Variants in GRHL2 observed in about 807,000 individuals in gnomAD.
GRHL2 encodes the protein grainyhead like transcription factor 2, also known as grainyhead-like protein 2 homolog.
Under a neutral mutation model 83.8 loss-of-function variants are expected in GRHL2, and 21 were observed. The observed-to-expected ratio is 0.25, with a 90% CI of 0.18 to 0.36. The LOEUF (loss-of-function observed/expected upper bound fraction) is 0.36. GRHL2 is among the 10% of genes least tolerant of loss of function. The pLI is 1.00. For missense variants in GRHL2, 623 were observed against 781.8 expected (o/e 0.80, Z 2.42); for synonymous variants, 280 against 278.9 (o/e 1.00, Z -0.04).
At chr8:101,611,278 TTA>T (rs1812744547) in intron 8 of GRHL2, among the ~76,000 whole-genome samples, 1 of 151,092 alleles carries the variant, frequency 6.6e-6, no homozygotes, top group African/African-American at 2.5e-5. Context: ...TTTTGCTTTC[TTA>T]TGTTACATCT....
At chr8:101,494,766 C>T (rs1373496944) in intron 1 of GRHL2, among the ~76,000 whole-genome samples, 1 of 152,188 alleles carries the variant, frequency 6.6e-6, no homozygotes, top group Non-Finnish European at 1.5e-5. Context: ...AATGTGTTTA[C>T]CATCAGAAAT....
At position 101,664,491 on chromosome 8, in the gene GRHL2, C is replaced by G. The variant is rs765418316; in HGVS notation, c.1736C>G (p.Ala579Gly). The G allele has an allele frequency of 1.2e-6, 2 of 1,613,314 alleles. No individual in the cohort carries two copies. Among genetic ancestry groups the G allele is most frequent in the Non-Finnish European group, 1.7e-6 (2 of 1,179,432 alleles). ...EKYGLPVEKI[A>G]KLYKKSKKGI... ...TATGGGCTGCCCGTGGAGAAGATAG[C>G]AAAGCTTTACAAGAAAAGCAAAAAA... Residue 579 changes from alanine to glycine, a missense_variant, in exon 15 of 16, where the codon GCA (alanine) becomes GGA (glycine). Transcript: ENST00000646743.
At chr8:101,574,684 C>T (rs1811898459) in intron 6 of GRHL2, among the ~76,000 whole-genome samples, 1 of 152,238 alleles carries the variant, frequency 6.6e-6, no homozygotes, top group Non-Finnish European at 1.5e-5. Context: ...CCACGCAAGG[C>T]TGAGCTCACT....
At chr8:101,638,868 C>T (rs1324101075) in intron 12 of GRHL2, among the ~76,000 whole-genome samples, 7 of 152,236 alleles carry the variant, frequency 4.6e-5, no homozygotes, top group Admixed American at 1.3e-4. Context: ...TGACTCTGAG[C>T]TCAGGAAGCC....
rs752250944 is a variant in GRHL2, at chr8:101,644,134, C to T, written c.1521C>T (p.Gly507=). ...YYNTDDEREG[G]SVLVKRMFRP... ...GATTTCTGCTTATCTTTTCTAGTGGCAGTGTCCTTGTTAAACGGATGTTCC... is the reference window on the plus strand; with the variant it reads ...GATTTCTGCTTATCTTTTCTAGTGGTAGTGTCCTTGTTAAACGGATGTTCC... The change falls in exon 13 of 16, where the codon GGC becomes GGT. Residue 507 remains glycine, a synonymous_variant. Coordinates refer to ENST00000646743, the MANE Select transcript of GRHL2 (RefSeq NM_024915.4). 7 of 1,613,514 alleles carry T rather than the reference C, an allele frequency of 4.3e-6. No homozygotes were observed. Among genetic ancestry groups the T allele is most frequent in the Non-Finnish European group, 5.9e-6 (7 of 1,179,524 alleles).
At chr8:101,537,068 C>G (rs370018431) in intron 1 of GRHL2, among the ~76,000 whole-genome samples, 3 of 152,236 alleles carry the variant, frequency 2.0e-5, no homozygotes, top group African/African-American at 7.2e-5. Flanking sequence ...AGGATAATAA[C>G]CTCTGGCTCC....
At chr8:101,577,295 A>G (rs1811952726) in intron 6 of GRHL2, 113 bp from the exon 7 acceptor site, 1 of 738,856 alleles carries the variant, frequency 1.4e-6, no homozygotes, top group Admixed American at 2.0e-5. Flanking sequence ...GCTTTTCTAA[A>G]GCAAGAAAAG....
intron 8 of GRHL2, among the ~76,000 whole-genome samples, chr8:101,604,978 G>A (rs914946302): frequency 6.6e-5 from 10 of 152,232 alleles, no homozygotes; most frequent in South Asian, 4.1e-4. Context: ...CCTCCTTCCC[G>A]CTGTGTGTTG....
In GRHL2 at chr8:101,669,637, A is replaced by C. The variant is rs994691039; in HGVS notation, c.*2934A>C. The stretch of plus-strand genomic sequence containing the variant: ...AACTTAATAGTTTTGTAAATGGGAG[A>C]GGGGGAATCTATAAACTATAAATAC... On this transcript the variant is annotated 3_prime_UTR_variant, in exon 16 of 16. Coordinates refer to ENST00000646743, the MANE Select transcript of GRHL2 (RefSeq NM_024915.4). The C allele has an allele frequency of 3.3e-5, 5 of 152,220 alleles. No homozygotes were observed. Among genetic ancestry groups the C allele is most frequent in the African/African-American group, 1.2e-4 (5 of 41,292 alleles). 9.4% of individuals were successfully genotyped at this position (152,220 alleles called of 1,614,324 possible). A position where few individuals can be genotyped will look rare whatever the true frequency, so the allele number is the denominator to read the frequency against.
intron 14 of GRHL2, among the ~76,000 whole-genome samples, chr8:101,658,398 T>G (rs886401906): frequency 2.6e-5 from 4 of 152,362 alleles, no homozygotes; most frequent in Middle Eastern, 6.8e-3. Flanking sequence ...AGTTACTTAC[T>G]GACTGGAAGC....
At chr8:101,575,152 C>G (rs540514527) in intron 6 of GRHL2, among the ~76,000 whole-genome samples, 98 of 152,140 alleles carry the variant, frequency 6.4e-4, no homozygotes, top group African/African-American at 2.2e-3. Flanking sequence ...CTATAAATTA[C>G]ATCCTCCCCC....
At chr8:101,528,760 C>G in intron 1 of GRHL2, 1 of 294,136 alleles carries the variant, frequency 3.4e-6, no homozygotes, top group Non-Finnish European at 6.7e-6. Context: ...AATCCCAAAT[C>G]AGTCCTTCCT....
downstream of GRHL2, among the ~76,000 whole-genome samples, chr8:101,670,605 C>A (rs960329352): frequency 6.6e-6 from 1 of 152,190 alleles, no homozygotes; most frequent in Non-Finnish European, 1.5e-5. Context: ...ATTAGGAGGT[C>A]TTGGTGCTCT....
chr8:101,657,048 T>C (rs1813807422), intron 14 of GRHL2, among the ~76,000 whole-genome samples: 1 of 152,002 alleles, frequency 6.6e-6, no homozygotes, highest in Admixed American at 6.5e-5. Context: ...ATGGCCTTAG[T>C]AGCACCCAGT....
At chr8:101,525,428 T>G (rs1810784719) in intron 1 of GRHL2, among the ~76,000 whole-genome samples, 1 of 152,200 alleles carries the variant, frequency 6.6e-6, no homozygotes. Context: ...TAAAAAATAC[T>G]TATTTATGGC....
chr8:101,505,523 G>A (rs1447341191), intron 1 of GRHL2, among the ~76,000 whole-genome samples: 2 of 142,990 alleles, frequency 1.4e-5, no homozygotes, highest in African/African-American at 5.2e-5. Context: ...GTTGCAGTGA[G>A]CCGAGATTGC....
chr8:101,506,652 G>A (rs1321478376), intron 1 of GRHL2, among the ~76,000 whole-genome samples: 2 of 152,012 alleles, frequency 1.3e-5, no homozygotes, highest in African/African-American at 4.8e-5. Flanking sequence ...GGTTATTACT[G>A]TAGAATAGAT....
Position 101,577,445 on chromosome 8 carries a change from G to A in GRHL2, c.929G>A (p.Arg310Lys), listed in dbSNP as rs1308720963. 6.2e-7 allele frequency: 1 copy of A among 1,614,100 alleles called. No individual in the cohort carries two copies. Among genetic ancestry groups the A allele is most frequent in the Non-Finnish European group, 8.5e-7 (1 of 1,179,958 alleles). Residue 310 changes from arginine to lysine, a missense_variant, in exon 7 of 16, where the codon AGA (arginine) becomes AAA (lysine). Around this residue, in one of 8 missense-constraint regions of GRHL2, gnomAD observed 96 missense variants for 144.8 expected, o/e 0.66. Coordinates refer to ENST00000646743, the MANE Select transcript of GRHL2 (RefSeq NM_024915.4). ...GTGGTCTTCAGTGAAGACAAAAACAGAGATGAACAGCTCAAATACTGGAAA... is the reference window on the plus strand; with the variant it reads ...GTGGTCTTCAGTGAAGACAAAAACAAAGATGAACAGCTCAAATACTGGAAA... ...VMVVFSEDKN[R>K]DEQLKYWKYW... is the part of the protein sequence containing the mutation.
intron 11 of GRHL2, among the ~76,000 whole-genome samples, chr8:101,634,339 AAGG>A (rs1813243586): frequency 6.6e-6 from 1 of 152,138 alleles, no homozygotes; most frequent in South Asian, 2.1e-4. Flanking sequence ...AGCTGAAGGA[AAGG>A]AGCTTGGACA....
Sources: gnomAD v4.1 joint callset for allele counts (sites outside exome capture counted in the v4.1 genomes callset) on GRCh38, gnomAD v4.1.1 for gene constraint, gnomAD v4.1.1 regional missense constraint, MANE v1.5 for transcripts, NCBI Gene and HGNC (gene_info 2026-07-23, HGNC 2026-07-21) for gene names.